The following DAW1 variants were observed in gnomAD, a reference collection of about 807,000 sequenced individuals.
DAW1 encodes dynein assembly factor with WD repeat domains 1.
A neutral mutation model predicts 56.5 loss-of-function variants in DAW1; 47 were observed. That is an observed-to-expected ratio of 0.83 (90% CI 0.66 to 1.06). The LOEUF is 1.06. Ranked by LOEUF, DAW1 falls within the 50% of genes least tolerant of loss-of-function variation. The probability of loss-of-function intolerance (pLI) is 0.00; values close to 1 mark genes in which losing one functional copy is unlikely to be tolerated. For synonymous variants in DAW1, 190 were observed against 179.0 expected (o/e 1.06, Z -0.49); for missense variants, 505 against 499.3 (o/e 1.01, Z -0.11).
rs55786766 is a variant in DAW1 at position 227,874,963 on chromosome 2, AAAACAAAC to A, written c.40+3252_40+3259del. ...GGGTGCCAGAGCAAGACTCTGTCTC[AAAACAAAC>A]AAACAAACAAACAAACAGAAAAACA... On this transcript the variant is annotated intron_variant, in intron 1 of 12. Coordinates refer to ENST00000309931, the MANE Select transcript of DAW1 (RefSeq NM_178821.3). Among the ~76,000 whole-genome samples, 7 of 117,884 alleles carry A rather than the reference AAAACAAAC, an allele frequency of 5.9e-5. No individual in the cohort carries two copies. The East Asian group carries it at 1.6e-3, about 27-fold the overall frequency. The allele number at this position is 117,884 out of a possible 152,430, so 77.3% of individuals were successfully genotyped here. A position where few individuals can be genotyped will look rare whatever the true frequency, so the allele number is the denominator to read the frequency against.
intron 6 of DAW1, among the ~76,000 whole-genome samples, chr2:227,898,827 G>A (rs186023479): frequency 4.6e-5 from 7 of 152,174 alleles, no homozygotes; most frequent in Admixed American, 2.6e-4. Context: ...AAGTAGACAC[G>A]TAATATGATA....
chr2:227,922,200 G>A lies in DAW1; in HGVS notation c.1213+639G>A, dbSNP rs77379220. ...CAGTAAGTGTTAGTAACCAAAACAA[G>A]TCAGGATCAAAATTCTCCCCAGTTG... On this transcript the variant is annotated intron_variant, in intron 12 of 12. Coordinates refer to ENST00000309931, the MANE Select transcript of DAW1 (RefSeq NM_178821.3). Among the ~76,000 whole-genome samples the A allele has an allele frequency of 6.6e-3, 1,012 of 152,334 alleles. 17 individuals are homozygous for A. The highest frequency in any genetic ancestry group is 0.023 in the African/African-American group (970 of 41,564).
intron 2 of DAW1, 95 bp from the exon 3 acceptor site, chr2:227,889,761 G>A (rs1418764859): frequency 9.7e-7 from 1 of 1,033,848 alleles, no homozygotes; most frequent in Admixed American, 3.5e-5. Flanking sequence ...TTATAAATGT[G>A]CTTCATGAAG....
intron 5 of DAW1, chr2:227,895,620 C>G (rs16824173): frequency 6.6e-6 from 1 of 152,142 alleles, no homozygotes; most frequent in Non-Finnish European, 1.5e-5. Context: ...GGGGATTCAT[C>G]GGGCACACTC....
intron 5 of DAW1, among the ~76,000 whole-genome samples, chr2:227,897,541 T>C (rs1691440319): frequency 6.6e-6 from 1 of 152,074 alleles, no homozygotes; most frequent in South Asian, 2.1e-4. Flanking sequence ...AAAAGAAAGG[T>C]TTTAGTTCCA....
At chr2:227,907,103 C>CTT (rs370563385) in intron 9 of DAW1, 35 bp from the exon 10 acceptor site, 138 of 1,141,956 alleles carry the variant, frequency 1.2e-4, no homozygotes, top group African/African-American at 6.1e-4. Flanking sequence ...AAGTCATAGT[C>CTT]TTTTTTTTTT....
At chr2:227,912,127 A>T (rs1691839933) in intron 10 of DAW1, 2 of 362,206 alleles carry the variant, frequency 5.5e-6, no homozygotes. Context: ...ATACTGACTT[A>T]TGTGTGTACA....
Position 227,886,557 on chromosome 2 carries a change from C to T in DAW1, c.113+1134C>T, listed in dbSNP as rs567669741. ...GCTTGAACCCAGGAGGCAGAGGTTGCAGTGAGCTGAGATCGCGGTGCTGTA... is the reference window on the plus strand; with the variant it reads ...GCTTGAACCCAGGAGGCAGAGGTTGTAGTGAGCTGAGATCGCGGTGCTGTA... On this transcript the variant is annotated intron_variant, in intron 2 of 12. Transcript: ENST00000309931. Among the ~76,000 whole-genome samples, 161 of 152,208 alleles carry T rather than the reference C, an allele frequency of 1.1e-3. 1 individual carries two copies. The highest frequency in any genetic ancestry group is 6.8e-3 in the Middle Eastern group (2 of 294).
intron 7 of DAW1, among the ~76,000 whole-genome samples, chr2:227,903,625 C>T (rs940534522): frequency 3.3e-5 from 5 of 151,666 alleles, no homozygotes; most frequent in East Asian, 2.0e-4. Flanking sequence ...AGCACCTCCC[C>T]GCCATCTGTC....
At position 227,924,132 on chromosome 2, in the gene DAW1, C is replaced by T. The variant is rs947562528; in HGVS notation, c.*164C>T. On this transcript the variant is annotated 3_prime_UTR_variant, in exon 13 of 13. Transcript: ENST00000309931. The stretch of plus-strand genomic sequence containing the variant: ...TCACAGATATGACCATTAAACATGA[C>T]AAAGTTATGCCACTCCAATATTATT... The T allele has an allele frequency of 5.2e-6, 4 of 774,158 alleles. No individual in the cohort carries two copies. The highest frequency in any genetic ancestry group is 8.5e-6 in the Non-Finnish European group (4 of 473,224). 48.0% of individuals were successfully genotyped at this position (774,158 alleles called of 1,614,324 possible).
intron 10 of DAW1, among the ~76,000 whole-genome samples, chr2:227,911,327 T>TAC (rs1691822208): frequency 2.7e-5 from 4 of 147,038 alleles, no homozygotes; most frequent in African/African-American, 7.4e-5. Flanking sequence ...TATACATATA[T>TAC]ACATGTGTAT....
At chr2:227,923,761 A>T (rs1692161924) in intron 12 of DAW1, among the ~76,000 whole-genome samples, 173 bp from the exon 13 acceptor site, 1 of 151,902 alleles carries the variant, frequency 6.6e-6, no homozygotes, top group African/African-American at 2.4e-5. Flanking sequence ...AAAAAAAATC[A>T]CTACTTTAAA....
chr2:227,918,797 A>C lies in DAW1; in HGVS notation c.991A>C (p.Ser331Arg). 6 of 1,614,188 alleles carry C rather than the reference A, an allele frequency of 3.7e-6. No homozygotes were observed. Among genetic ancestry groups the C allele is most frequent in the Non-Finnish European group, 5.1e-6 (6 of 1,180,018 alleles). Residue 331 changes from serine to arginine, a missense_variant, in exon 11 of 13, where the codon AGT (serine) becomes CGT (arginine). By Grantham distance (110) the Ser-to-Arg change is moderately radical. Coordinates refer to ENST00000309931, the MANE Select transcript of DAW1 (RefSeq NM_178821.3). Reference protein sequence around the residue: ...ASADGTARIFSAATRKCIAKL... With the variant: ...ASADGTARIFRAATRKCIAKL... The stretch of plus-strand genomic sequence containing the variant: ...TCAAAAAGGAACAGCAAGAATTTTC[A>C]GTGCTGCCACAAGAAAATGCATTGC...
chr2:227,905,217 T>C (rs932773618), intron 8 of DAW1, among the ~76,000 whole-genome samples, 182 bp downstream of exon 8: 2 of 152,336 alleles, frequency 1.3e-5, no homozygotes, highest in African/African-American at 4.8e-5. Context: ...AATATGTGCA[T>C]TCTTTGAATT....
intron 10 of DAW1, among the ~76,000 whole-genome samples, chr2:227,909,313 T>C (rs900027295): frequency 6.7e-6 from 1 of 148,386 alleles, no homozygotes; most frequent in East Asian, 1.9e-4. Flanking sequence ...TTTTATACTA[T>C]ATATAATTTT....
intron 8 of DAW1, 38 bp downstream of exon 8, chr2:227,905,073 CA>C (rs765890292): frequency 2.2e-5 from 35 of 1,556,822 alleles, no homozygotes; most frequent in African/African-American, 1.6e-4. Flanking sequence ...TAACCTGGAT[CA>C]GGGGGTTCAG....
At chr2:227,917,205 G>A (rs536899292) in intron 10 of DAW1, among the ~76,000 whole-genome samples, 1 of 149,746 alleles carries the variant, frequency 6.7e-6, no homozygotes, top group Non-Finnish European at 1.5e-5. Flanking sequence ...TCCATCTATC[G>A]ATCGATCTAT....
chr2:227,878,333 G>A (rs1194869977), intron 1 of DAW1, among the ~76,000 whole-genome samples: 1 of 152,206 alleles, frequency 6.6e-6, no homozygotes, highest in Non-Finnish European at 1.5e-5. Context: ...GTGACACCTT[G>A]CATTGATACA....
At chr2:227,893,063 T>C (rs952653563) in intron 4 of DAW1, among the ~76,000 whole-genome samples, 12 of 147,246 alleles carry the variant, frequency 8.1e-5, no homozygotes, top group African/African-American at 3.0e-4. Flanking sequence ...AGGTCAGGAG[T>C]TGGAGACCAG....
Sources: allele counts gnomAD v4.1 joint callset (sites outside exome capture counted in the v4.1 genomes callset), GRCh38; gene constraint gnomAD v4.1.1; transcripts MANE v1.5; gene names NCBI Gene and HGNC (gene_info 2026-07-23, HGNC 2026-07-21).